DNAH8: variants seen among roughly 807,000 people sequenced by gnomAD.
DNAH8 encodes axonemal beta dynein heavy chain 8.
Under a neutral mutation model 562.1 loss-of-function variants are expected in DNAH8, and 382 were observed. That is an observed-to-expected ratio of 0.68 (90% CI 0.63 to 0.74). DNAH8 has a LOEUF of 0.74. Among genes scored for constraint, DNAH8 ranks in the 30% least tolerant of loss-of-function variants. The pLI is 0.00. For synonymous variants in DNAH8, 1,881 were observed against 1,919.4 expected, an observed-to-expected ratio of 0.98 and a Z score of 0.52; for missense variants, 5,203 against 5,620.4, an observed-to-expected ratio of 0.93 and a Z score of 2.37.
At chr6:38,906,853 G>A (rs1036037751) in intron 63 of DNAH8, among the ~76,000 whole-genome samples, 4 of 152,060 alleles carry the variant, frequency 2.6e-5, no homozygotes, top group Admixed American at 6.5e-5. Context: ...TATACAGGTC[G>A]AGCTTCTCAA....
At chr6:38,733,019 G>C (rs1728856394) in intron 4 of DNAH8, among the ~76,000 whole-genome samples, 1 of 152,074 alleles carries the variant, frequency 6.6e-6, no homozygotes, top group Non-Finnish European at 1.5e-5. Context: ...CTCCTGAGTA[G>C]TTAGGACTAC....
chr6:38,736,792 T>G lies in DNAH8; in HGVS notation c.763-275T>G, dbSNP rs7747935. ...AGGTTTGGTTCCACGTCCCTCACCT[T>G]GAATAGGCTCCAGGCTATTGTTCCT... On this transcript the variant is annotated intron_variant, in intron 5 of 92. Coordinates refer to ENST00000327475, the MANE Select transcript of DNAH8 (RefSeq NM_001206927.2). 0.12 allele frequency among the ~76,000 whole-genome samples: 18,668 copies of G among 152,104 alleles called. 1,375 individuals are homozygous for G. The highest frequency in any genetic ancestry group is 0.22 in the Admixed American group (3,429 of 15,262).
At chr6:38,719,849 A>G (rs545468439) in intron 1 of DNAH8, among the ~76,000 whole-genome samples, 1 of 152,306 alleles carries the variant, frequency 6.6e-6, no homozygotes, top group East Asian at 1.9e-4. Context: ...AAGCTCAAAA[A>G]TGCACCCTGA....
At chr6:38,747,370 CTTTTTTTCTTTTTCTTTT>C (rs1765030713) in intron 8 of DNAH8, among the ~76,000 whole-genome samples, 1 of 137,092 alleles carries the variant, frequency 7.3e-6, no homozygotes. Context: ...TTGTCATTTT[CTTTTTTTCTTTTTCTTTT>C]TTTTTTTTTT....
chr6:38,898,262 C>T lies in DNAH8; in HGVS notation c.8945C>T (p.Pro2982Leu). 2 of 1,588,632 alleles carry T rather than the reference C, an allele frequency of 1.3e-6. No individual in the cohort carries two copies. The highest frequency in any genetic ancestry group is 1.4e-5 in the African/African-American group (1 of 73,382). ...TATCTTTCTCTCCACCCATAGATGCCATCCTTTGACTTTCTGGCTGAAAAA... is the reference window on the plus strand; with the variant it reads ...TATCTTTCTCTCCACCCATAGATGCTATCCTTTGACTTTCTGGCTGAAAAA... ...FEVPKIYELM[P>L]SFDFLAEKLQ... The change falls in exon 61 of 93, where the codon CCA becomes CTA. Residue 2982 changes from proline (P) to leucine (L), a missense_variant. Around this residue, in one of 6 missense-constraint regions of DNAH8, gnomAD observed 977 missense variants for 1,061.8 expected, o/e 0.92. Coordinates refer to ENST00000327475, the MANE Select transcript of DNAH8 (RefSeq NM_001206927.2).
At chr6:38,855,239 T>G (rs1471667101) in intron 41 of DNAH8, among the ~76,000 whole-genome samples, 1 of 152,064 alleles carries the variant, frequency 6.6e-6, no homozygotes, top group East Asian at 1.9e-4. Flanking sequence ...TGCTGCAAAA[T>G]TTTGGAAAAT....
intron 17 of DNAH8, 84 bp from the exon 18 acceptor site, chr6:38,786,681 C>A: frequency 7.2e-7 from 1 of 1,395,342 alleles, no homozygotes; most frequent in Non-Finnish European, 9.7e-7. Context: ...GTTAGTAATC[C>A]AGGGGGCAAG....
rs75855347 is a variant in DNAH8 at position 39,010,818 on chromosome 6, CACGTAT to C, written c.13372-1396_13372-1391del. 6.1e-4 allele frequency among the ~76,000 whole-genome samples: 66 copies of C among 107,548 alleles called. 1 individual carries two copies. Among genetic ancestry groups the C allele is most frequent in the Middle Eastern group, 4.8e-3 (1 of 208 alleles). 70.6% of individuals were successfully genotyped at this position (107,548 alleles called of 152,430 possible). A position where few individuals can be genotyped will look rare whatever the true frequency, so the allele number is the denominator to read the frequency against. Reference sequence around the variant, plus strand: ...ACGTGTACGCACACACACACACACACACGTATGTATGTATGTATGTATGTATGTATG... The same window carrying C: ...ACGTGTACGCACACACACACACACACGTATGTATGTATGTATGTATGTATG... On this transcript the variant is annotated intron_variant, in intron 89 of 92. Transcript: ENST00000327475.
intron 70 of DNAH8, 67 bp downstream of exon 70, chr6:38,918,207 A>G: frequency 1.7e-6 from 2 of 1,170,992 alleles, no homozygotes; most frequent in Non-Finnish European, 2.4e-6. Flanking sequence ...TATTACTGCT[A>G]TTAAAAGACA....
intron 52 of DNAH8, 143 bp downstream of exon 52, chr6:38,873,519 G>T: frequency 1.4e-6 from 1 of 708,938 alleles, no homozygotes; most frequent in Non-Finnish European, 2.2e-6. Flanking sequence ...TGATAATTTT[G>T]ATTTCTATTA....
Position 38,815,567 on chromosome 6 carries a change from C to G in DNAH8, c.3433C>G (p.Gln1145Glu), listed in dbSNP as rs546140159. Reference sequence around the variant, plus strand: ...AGGAGTGGCTCACTGGGGGCAACAGCAAATCCGTCCCATCAAGTCTGTCAT... The same window carrying G: ...AGGAGTGGCTCACTGGGGGCAACAGGAAATCCGTCCCATCAAGTCTGTCAT... ...SRGVAHWGQQ[Q>E]IRPIKSVIPS... The change falls in exon 26 of 93, where the codon CAA (glutamine) becomes GAA (glutamate). Residue 1145 changes from glutamine to glutamate, a missense_variant. Physicochemically the swap from Gln to Glu is conservative, Grantham distance 29. This residue lies in a region of DNAH8 where 2,176 missense variants were observed against 2,365.1 expected (regional missense o/e 0.92). Coordinates refer to ENST00000327475, the MANE Select transcript of DNAH8 (RefSeq NM_001206927.2). 1 of 1,613,996 alleles carries G rather than the reference C, an allele frequency of 6.2e-7. No homozygotes were observed. The highest frequency in any genetic ancestry group is 1.3e-5 in the African/African-American group (1 of 75,036).
chr6:38,840,155 A>G (rs1774658837), intron 33 of DNAH8, among the ~76,000 whole-genome samples: 1 of 152,220 alleles, frequency 6.6e-6, no homozygotes, highest in Non-Finnish European at 1.5e-5. Context: ...CATATTTTAA[A>G]TCATCTCCAA....
chr6:38,982,201 A>C, intron 85 of DNAH8, 145 bp from the exon 86 acceptor site: 1 of 608,934 alleles, frequency 1.6e-6, no homozygotes. Context: ...AAGCGACATG[A>C]ATGTATATCC....
intron 24 of DNAH8, among the ~76,000 whole-genome samples, chr6:38,808,070 A>C (rs949433132): frequency 1.3e-5 from 2 of 152,122 alleles, no homozygotes; most frequent in African/African-American, 4.8e-5. Flanking sequence ...CCTGTATTTG[A>C]ACTGTGCTTG....
intron 58 of DNAH8, among the ~76,000 whole-genome samples, chr6:38,892,041 C>G (rs1779372789): frequency 6.6e-6 from 1 of 152,160 alleles, no homozygotes; most frequent in African/African-American, 2.4e-5. Flanking sequence ...AATGATCCCT[C>G]TAAATATTTT....
Position 38,941,537 on chromosome 6 carries a change from G to A in DNAH8, c.12007+2549G>A, listed in dbSNP as rs116373161. ...CAGGTCTAATGCACTTATGGAAGTT[G>A]GTTTTTTAAGGCAGTGTGGTGTGGT... On this transcript the variant is annotated intron_variant, in intron 79 of 92. Coordinates refer to ENST00000327475, the MANE Select transcript of DNAH8 (RefSeq NM_001206927.2). Among the ~76,000 whole-genome samples the A allele has an allele frequency of 6.9e-3, 1,057 of 152,280 alleles. 9 individuals carry two copies. Among genetic ancestry groups the A allele is most frequent in the African/African-American group, 0.022 (930 of 41,574 alleles).
intron 88 of DNAH8, among the ~76,000 whole-genome samples, chr6:39,007,064 T>C (rs367582613): frequency 9.8e-5 from 15 of 152,314 alleles, no homozygotes; most frequent in African/African-American, 2.9e-4. Context: ...CCAGCATTCA[T>C]TTTATTTGAC....
At chr6:39,007,937 C>CCCCG (rs1554162258) in intron 88 of DNAH8, among the ~76,000 whole-genome samples, 6 of 76,424 alleles carry the variant, frequency 7.9e-5, no homozygotes, top group Non-Finnish European at 1.9e-4. Flanking sequence ...GCGCCCCACC[C>CCCCG]CCCACCCACC....
chr6:38,735,554 C>T (rs1225863755), intron 5 of DNAH8, among the ~76,000 whole-genome samples: 1 of 152,116 alleles, frequency 6.6e-6, no homozygotes, highest in Non-Finnish European at 1.5e-5. Flanking sequence ...CACCACAATG[C>T]CTCTATGTAT....
Sources: allele counts gnomAD v4.1 joint callset (sites outside exome capture counted in the v4.1 genomes callset), GRCh38; gene constraint gnomAD v4.1.1; regional missense constraint gnomAD v4.1.1; transcripts MANE v1.5; gene names NCBI Gene and HGNC (gene_info 2026-07-23, HGNC 2026-07-21).